TXNDC16: variants seen among roughly 807,000 people sequenced by gnomAD.
The protein encoded by TXNDC16 is thioredoxin domain containing 16, also known as thioredoxin domain-containing protein 16.
A neutral mutation model predicts 85.6 loss-of-function variants in TXNDC16; 74 were observed. That is an observed-to-expected ratio of 0.86 (90% CI 0.72 to 1.05). The LOEUF (loss-of-function observed/expected upper bound fraction) is 1.05. TXNDC16 is among the 50% of genes least tolerant of loss of function. The probability of loss-of-function intolerance (pLI) is 0.00; values close to 1 mark genes in which losing one functional copy is unlikely to be tolerated. For missense variants in TXNDC16, 959 were observed against 947.0 expected, an observed-to-expected ratio of 1.01 and a Z score of -0.17; for synonymous variants, 335 against 326.5, an observed-to-expected ratio of 1.03 and a Z score of -0.28.
At chr14:52,447,129 G>A (rs1235889344) in intron 18 of TXNDC16, among the ~76,000 whole-genome samples, 8 of 151,944 alleles carry the variant, frequency 5.3e-5, no homozygotes. Context: ...CTAGGCCTTG[G>A]CTCTTGGATG....
At chr14:52,442,624 C>A (rs906959839) in intron 18 of TXNDC16, among the ~76,000 whole-genome samples, 2 of 152,198 alleles carry the variant, frequency 1.3e-5, no homozygotes, top group Non-Finnish European at 1.5e-5. Flanking sequence ...ACACCTTCCT[C>A]TTTCATGGCT....
intron 11 of TXNDC16, among the ~76,000 whole-genome samples, chr14:52,489,492 CATT>C (rs1169178558): frequency 6.6e-6 from 1 of 152,046 alleles, no homozygotes; most frequent in Non-Finnish European, 1.5e-5. Flanking sequence ...ATTTTTTTAA[CATT>C]ATATTCGAAA....
At position 52,464,409 on chromosome 14, in the gene TXNDC16, G is replaced by T. The variant is rs527528778; in HGVS notation, c.1618+5628C>A. On this transcript the variant is annotated intron_variant, in intron 16 of 20. Transcript: ENST00000281741. Reference sequence around the variant, plus strand: ...GCTGAGTTTTTACACTGTTTTCAATGATTTTATCCTATTTGTGCTTTTTAT... The same window carrying T: ...GCTGAGTTTTTACACTGTTTTCAATTATTTTATCCTATTTGTGCTTTTTAT... Among the ~76,000 whole-genome samples, 22 of 152,164 alleles carry T rather than the reference G, an allele frequency of 1.4e-4. No homozygotes were observed. The South Asian group carries it at 4.4e-3, about 30-fold the overall frequency.
chr14:52,536,492 A>G (rs767524585), intron 6 of TXNDC16, among the ~76,000 whole-genome samples: 4 of 152,212 alleles, frequency 2.6e-5, no homozygotes, highest in African/African-American at 4.8e-5. Flanking sequence ...GGTTTTGTTG[A>G]GTCATCTCCT....
At chr14:52,508,679 A>G (rs2036876562) in intron 9 of TXNDC16, among the ~76,000 whole-genome samples, 1 of 152,212 alleles carries the variant, frequency 6.6e-6, no homozygotes, top group African/African-American at 2.4e-5. Context: ...ATGTCCAACA[A>G]TGATAGACTG....
chr14:52,546,987 G>A (rs1233741442), intron 1 of TXNDC16, among the ~76,000 whole-genome samples: 2 of 152,176 alleles, frequency 1.3e-5, no homozygotes, highest in African/African-American at 2.4e-5. Flanking sequence ...CTATGTTCCC[G>A]TGGCTAATGA....
chr14:52,464,966 T>A (rs899857904), intron 16 of TXNDC16, among the ~76,000 whole-genome samples: 4 of 152,014 alleles, frequency 2.6e-5, no homozygotes, highest in Non-Finnish European at 1.5e-5. Flanking sequence ...AATATAAAGA[T>A]ATGCTCTCTA....
At chr14:52,434,397 G>C (rs1316686381) in intron 20 of TXNDC16, among the ~76,000 whole-genome samples, 1 of 152,030 alleles carries the variant, frequency 6.6e-6, no homozygotes, top group Non-Finnish European at 1.5e-5. Context: ...TAATGTATGG[G>C]TAATAAATAC....
chr14:52,491,346 T>TGC (rs1566557650), intron 9 of TXNDC16, among the ~76,000 whole-genome samples: 1 of 96,900 alleles, frequency 1.0e-5, no homozygotes, highest in African/African-American at 4.4e-5. Flanking sequence ...CATGCCTAGC[T>TGC]TTTTTTTTTT....
intron 16 of TXNDC16, among the ~76,000 whole-genome samples, chr14:52,468,934 T>C (rs1420689900): frequency 1.3e-5 from 2 of 150,700 alleles, no homozygotes; most frequent in African/African-American, 2.4e-5. Context: ...ATAGAAGACA[T>C]ACGTTATTCT....
At chr14:52,537,306 T>C (rs899717460) in intron 5 of TXNDC16, among the ~76,000 whole-genome samples, 4 of 152,158 alleles carry the variant, frequency 2.6e-5, no homozygotes, top group East Asian at 1.9e-4. Context: ...ACCTGACATA[T>C]CTACCCAGAA....
chr14:52,529,814 TTA>T (rs1181284126), intron 6 of TXNDC16, among the ~76,000 whole-genome samples: 9 of 111,286 alleles, frequency 8.1e-5, no homozygotes, highest in Non-Finnish European at 1.2e-4. Context: ...ATGACACCTA[TTA>T]TATATTATGT....
rs1437848057 is a variant in TXNDC16 at position 52,457,278 on chromosome 14, TTACAAAAATA to T, written c.1619-114_1619-105del. The T allele has an allele frequency of 1.5e-5, 9 of 588,846 alleles. No individual in the cohort carries two copies. In the African/African-American group the frequency reaches 1.6e-4, roughly 10 times the overall value. The allele number at this position is 588,846 out of a possible 1,614,324, so 36.5% of individuals were successfully genotyped here. A position where few individuals can be genotyped will look rare whatever the true frequency, so the allele number is the denominator to read the frequency against. On this transcript the variant is annotated intron_variant, in intron 16 of 20. Coordinates refer to ENST00000281741, the MANE Select transcript of TXNDC16 (RefSeq NM_020784.3). The stretch of plus-strand genomic sequence containing the variant: ...GTGGTAGTATTTCATTATTAATTAA[TTACAAAAATA>T]TTTAAGTGCAGATGTCTTATATAAT...
chr14:52,488,996 G>C (rs2036341251), intron 11 of TXNDC16, among the ~76,000 whole-genome samples: 1 of 152,002 alleles, frequency 6.6e-6, no homozygotes, highest in Non-Finnish European at 1.5e-5. Flanking sequence ...CACTGAAAAA[G>C]GTGGCAAAAA....
At chr14:52,489,930 G>C (rs1020676812) in intron 11 of TXNDC16, among the ~76,000 whole-genome samples, 1 of 152,036 alleles carries the variant, frequency 6.6e-6, no homozygotes, top group African/African-American at 2.4e-5. Flanking sequence ...CAAACCTCTG[G>C]GGCTCAAGTG....
rs1454364683 is a variant in TXNDC16 at position 52,442,740 on chromosome 14, C to T, written c.1843-2016G>A. ...GTTAGATCCCTCTCCTAAATATTGA[C>T]AGATCTTTTATTGAACAAGCAGAAA... On this transcript the variant is annotated intron_variant, in intron 18 of 20. Transcript: ENST00000281741. Among the ~76,000 whole-genome samples the T allele has an allele frequency of 2.0e-5, 3 of 152,142 alleles. No homozygotes were observed. The East Asian group carries it at 5.8e-4, about 29-fold the overall frequency.
intron 14 of TXNDC16, among the ~76,000 whole-genome samples, chr14:52,476,851 T>G (rs1356937742): frequency 2.0e-5 from 3 of 152,062 alleles, no homozygotes; most frequent in Admixed American, 2.0e-4. Context: ...CACAAGAAGA[T>G]CAATGCCTAG....
At position 52,432,531 on chromosome 14, in the gene TXNDC16, T is replaced by C; in HGVS notation, c.2251A>G (p.Met751Val). Reference protein sequence around the residue: ...PPLPAYDFLSMIDAATSQRGT... With the variant: ...PPLPAYDFLSVIDAATSQRGT... ...CGTTGAGATGTTGCGGCATCTATCA[T>C]ACTTAGAAAATCATAAGCTGGAAGA... Residue 751 changes from methionine to valine, a missense_variant, in exon 21 of 21, where the codon ATG becomes GTG. Transcript: ENST00000281741. 1 of 1,613,268 alleles carries C rather than the reference T, an allele frequency of 6.2e-7. No individual in the cohort carries two copies. The highest frequency in any genetic ancestry group is 1.1e-5 in the South Asian group (1 of 90,774).
chr14:52,466,370 A>T (rs1311385123), intron 16 of TXNDC16, among the ~76,000 whole-genome samples: 1 of 120,422 alleles, frequency 8.3e-6, no homozygotes, highest in Non-Finnish European at 1.7e-5. Context: ...TCCAACCCGG[A>T]TGACAGAACA....
Sources: gnomAD v4.1 joint callset for allele counts (sites outside exome capture counted in the v4.1 genomes callset) on GRCh38, gnomAD v4.1.1 for gene constraint, MANE v1.5 for transcripts, NCBI Gene and HGNC (gene_info 2026-07-23, HGNC 2026-07-21) for gene names.